HPN: variants seen among roughly 807,000 people sequenced by gnomAD.
The protein encoded by HPN is serine protease hepsin.
A neutral mutation model predicts 55.9 loss-of-function variants in HPN; 13 were observed. The observed-to-expected ratio is 0.23, with a 90% confidence interval of 0.15 to 0.37. The LOEUF (loss-of-function observed/expected upper bound fraction) is 0.37. Ranked by LOEUF, HPN falls within the 10% of genes least tolerant of loss-of-function variation. HPN has a pLI of 1.00. For missense variants in HPN, 451 were observed against 575.8 expected (o/e 0.78, Z 2.22); for synonymous variants, 225 against 240.3 (o/e 0.94, Z 0.59).
In HPN at chr19:35,060,838, A is replaced by T. The variant is rs80336604; in HGVS notation, c.811+21A>T. ...CACAGGTAAGTCTAAGGGCTGAGCC[A>T]TGGGGCTTGAGGACCCGAGGCCAGG... On this transcript the variant is annotated intron_variant, in intron 9 of 12. Coordinates refer to ENST00000672452, the MANE Select transcript of HPN (RefSeq NM_001384133.1). The T allele has an allele frequency of 0.017, 25,945 of 1,542,426 alleles. 2,046 individuals carry two copies. The African/African-American group carries it at 0.21, about 12-fold the overall frequency.
intron 4 of HPN, among the ~76,000 whole-genome samples, chr19:35,058,066 T>G (rs979484445): frequency 2.0e-5 from 3 of 151,708 alleles, no homozygotes; most frequent in Non-Finnish European, 4.4e-5. Context: ...GGCAGAAGAA[T>G]CGCTTGAACC....
Position 35,059,955 on chromosome 19 carries a change from G to A in HPN, c.372G>A (p.Arg124=). 6.5e-7 allele frequency: 1 copy of A among 1,547,306 alleles called. No individual in the cohort carries two copies. The highest frequency in any genetic ancestry group is 8.7e-7 in the Non-Finnish European group (1 of 1,147,000). Residue 124 remains arginine (R), a synonymous_variant, in exon 6 of 13, where the codon AGG becomes AGA. Transcript: ENST00000672452. ...GCTTCTTCTGTGTGGACGAGGGGAG[G>A]CTGCCCCACACCCAGAGGCTGCTGG... is the stretch of plus-strand genomic sequence containing the variant. The part of the protein sequence containing the change: ...TSGFFCVDEG[R]LPHTQRLLEV...
Position 35,042,538 on chromosome 19 carries a change from T to G in HPN, c.16+16T>G. 1 of 1,603,900 alleles carries G rather than the reference T, an allele frequency of 6.2e-7. No homozygotes were observed. Among genetic ancestry groups the G allele is most frequent in the Non-Finnish European group, 8.5e-7 (1 of 1,174,142 alleles). On this transcript the variant is annotated intron_variant, in intron 2 of 12. Transcript: ENST00000672452. ...CAGAAGGAGGGTGAGTCCCCTTCCC[T>G]GAGCCCCAGCTTTGGCTCTGCCTGG... is the stretch of plus-strand genomic sequence containing the variant.
intron 2 of HPN, among the ~76,000 whole-genome samples, chr19:35,043,255 C>T (rs897053133): frequency 2.6e-5 from 4 of 152,168 alleles, no homozygotes; most frequent in Non-Finnish European, 5.9e-5. Context: ...AGAGAGACTG[C>T]GTCATGGAGT....
Position 35,059,864 on chromosome 19 carries a change from C to T in HPN, c.291-10C>T. On this transcript the variant is annotated splice_polypyrimidine_tract_variant and intron_variant, in intron 5 of 12. Transcript: ENST00000672452. Reference sequence around the variant, plus strand: ...GGCTGGGGAGCAGGCCTAACCCCTGCCCCGCCCAGGGCACTGACCCACTCC... The same window carrying T: ...GGCTGGGGAGCAGGCCTAACCCCTGTCCCGCCCAGGGCACTGACCCACTCC... The T allele has an allele frequency of 6.7e-7, 1 of 1,501,184 alleles. No individual in the cohort carries two copies. The highest frequency in any genetic ancestry group is 8.9e-7 in the Non-Finnish European group (1 of 1,124,320). 93.0% of individuals were successfully genotyped at this position (1,501,184 alleles called of 1,614,324 possible).
At position 35,066,437 on chromosome 19, in the gene HPN, C is replaced by A; in HGVS notation, c.*150C>A. 2 of 1,069,870 alleles carry A rather than the reference C, an allele frequency of 1.9e-6. No individual in the cohort carries two copies. The highest frequency in any genetic ancestry group is 1.5e-5 in the South Asian group (1 of 64,892). 66.3% of individuals were successfully genotyped at this position (1,069,870 alleles called of 1,614,324 possible). On this transcript the variant is annotated 3_prime_UTR_variant, in exon 13 of 13. Coordinates refer to ENST00000672452, the MANE Select transcript of HPN (RefSeq NM_001384133.1). ...TCCAGGGTCCTCTCTTCCACAGTGG[C>A]GGGCCCACTCAGCCCCGAGACCACC...
At position 35,059,960 on chromosome 19, in the gene HPN, C is replaced by G. The variant is rs2064508150; in HGVS notation, c.377C>G (p.Pro126Arg). 1 of 1,551,876 alleles carries G rather than the reference C, an allele frequency of 6.4e-7. No individual in the cohort carries two copies. The highest frequency in any genetic ancestry group is 1.2e-5 in the South Asian group (1 of 80,116). The change falls in exon 6 of 13, where the codon CCC becomes CGC. Residue 126 changes from proline (P) to arginine (R), a missense_variant. Transcript: ENST00000672452. ...TTCTGTGTGGACGAGGGGAGGCTGC[C>G]CCACACCCAGAGGCTGCTGGAGGTC... ...GFFCVDEGRL[P>R]HTQRLLEVIS...
At chr19:35,058,563 TTAA>T (rs1208404214) in intron 4 of HPN, among the ~76,000 whole-genome samples, 5 of 147,196 alleles carry the variant, frequency 3.4e-5, no homozygotes, top group South Asian at 2.1e-4. Context: ...TAATAATATA[TTAA>T]TATTATATTA....
chr19:35,059,026 A>C (rs933352936), intron 4 of HPN: 1 of 157,836 alleles, frequency 6.3e-6, no homozygotes, highest in Admixed American at 5.9e-5. Context: ...TTTCTTCCCG[A>C]ATGTCCAAGT....
chr19:35,065,219 G>A (rs2305744), intron 9 of HPN, 31 bp from the exon 10 acceptor site: 1,102,697 of 1,541,198 alleles, frequency 0.72, 402,919 homozygotes, highest in Admixed American at 0.83. Flanking sequence ...GCAGGCCAGC[G>A]GGGGCTGGAC....
intron 9 of HPN, 100 bp from the exon 10 acceptor site, chr19:35,065,146 CAGAG>C: frequency 1.4e-6 from 1 of 694,822 alleles, no homozygotes; most frequent in South Asian, 2.0e-5. Context: ...TTTTAAAGAA[CAGAG>C]AGGGCAGGGT....
intron 10 of HPN, 96 bp from the exon 11 acceptor site, chr19:35,065,443 G>A: frequency 3.8e-6 from 6 of 1,564,990 alleles, no homozygotes; most frequent in South Asian, 1.2e-5. Flanking sequence ...TTGACCATGA[G>A]GAGTAGGGAC....
chr19:35,058,581 A>G (rs1223958814), intron 4 of HPN, among the ~76,000 whole-genome samples: 1 of 147,234 alleles, frequency 6.8e-6, no homozygotes, highest in East Asian at 1.9e-4. Context: ...ATATTATAAT[A>G]ATATATTATT....
chr19:35,066,522 G>C lies in HPN; in HGVS notation c.*235G>C. The C allele has an allele frequency of 3.5e-6, 2 of 568,046 alleles. No individual in the cohort carries two copies. Among genetic ancestry groups the C allele is most frequent in the East Asian group, 5.7e-5 (2 of 34,930 alleles). The allele number at this position is 568,046 out of a possible 1,614,324, so 35.2% of individuals were successfully genotyped here. ...TTCTGCTGTCTGGGACTCCTGTCTA[G>C]GTGCCCCTGATGACGGGATGCTCTT... On this transcript the variant is annotated 3_prime_UTR_variant, in exon 13 of 13. Coordinates refer to ENST00000672452, the MANE Select transcript of HPN (RefSeq NM_001384133.1).
chr19:35,044,880 T>C (rs1401401739), intron 2 of HPN, among the ~76,000 whole-genome samples: 1 of 151,168 alleles, frequency 6.6e-6, no homozygotes, highest in Admixed American at 6.6e-5. Context: ...AGCGGTTGGA[T>C]GGGGCCGGAG....
Position 35,060,122 on chromosome 19 carries a change from C to T in HPN, c.414-7C>T. On this transcript the variant is annotated splice_region_variant and splice_polypyrimidine_tract_variant and intron_variant, in intron 6 of 12. Coordinates refer to ENST00000672452, the MANE Select transcript of HPN (RefSeq NM_001384133.1). The stretch of plus-strand genomic sequence containing the variant: ...TCTTTCTGTGTCTCCAATCCCATCT[C>T]TCCCAGTGATTGCCCCAGAGGCCGT... The T allele has an allele frequency of 6.2e-7, 1 of 1,614,192 alleles. No homozygotes were observed.
At chr19:35,043,651 T>C (rs2064315484) in intron 2 of HPN, among the ~76,000 whole-genome samples, 2 of 152,178 alleles carry the variant, frequency 1.3e-5, no homozygotes, top group African/African-American at 4.8e-5. Context: ...TCGGCACAGC[T>C]GGCAATTCAG....
At position 35,041,794 on chromosome 19, in the gene HPN, C is replaced by T. The variant is rs769954312; in HGVS notation, c.-133C>T. 8.3e-6 allele frequency: 11 copies of T among 1,329,276 alleles called. No homozygotes were observed. In the African/African-American group the frequency reaches 1.2e-4, roughly 15 times the overall value. The allele number at this position is 1,329,276 out of a possible 1,614,324, so 82.3% of individuals were successfully genotyped here. ...AGGCCGCCCGCTGCTGCGGGGCCAC[C>T]ATGCTCCTGCCCAGGCCTGGAGACT... On this transcript the variant is annotated 5_prime_UTR_variant, in exon 1 of 13. Transcript: ENST00000672452.
chr19:35,058,190 A>G (rs1238152870), intron 4 of HPN, among the ~76,000 whole-genome samples: 2 of 151,026 alleles, frequency 1.3e-5, no homozygotes, highest in Non-Finnish European at 2.9e-5. Context: ...AAATACATAT[A>G]TATTTTTGAG....
Sources: gnomAD v4.1 joint callset for allele counts (sites outside exome capture counted in the v4.1 genomes callset) on GRCh38, gnomAD v4.1.1 for gene constraint, MANE v1.5 for transcripts, NCBI Gene and HGNC (gene_info 2026-07-23, HGNC 2026-07-21) for gene names.